The following TMEM239 variants were observed in gnomAD, a reference collection of about 807,000 sequenced individuals.
TMEM239 encodes transmembrane protein 239.
Under a neutral mutation model 14.6 loss-of-function variants are expected in TMEM239, and 10 were observed. The ratio of observed to expected loss-of-function variants is 0.68; its 90% CI spans 0.42 to 1.16. The LOEUF (loss-of-function observed/expected upper bound fraction) is 1.16, where lower values mean the gene tolerates loss of function less well. Among genes scored for constraint, TMEM239 ranks in the 50% most tolerant of loss-of-function variants. The probability of loss-of-function intolerance (pLI) is 0.00; values close to 1 mark genes in which losing one functional copy is unlikely to be tolerated. For synonymous variants in TMEM239, 94 were observed against 89.9 expected, an observed-to-expected ratio of 1.05 and a Z score of -0.26; for missense variants, 183 against 194.4, an observed-to-expected ratio of 0.94 and a Z score of 0.35.
Position 2,817,031 on chromosome 20 carries a change from A to G in TMEM239, c.*18A>G, listed in dbSNP as rs748659610. The G allele has an allele frequency of 3.9e-6, 6 of 1,537,470 alleles. No individual in the cohort carries two copies. Among genetic ancestry groups the G allele is most frequent in the East Asian group, 2.4e-5 (1 of 40,904 alleles). Reference sequence around the variant, plus strand: ...ATCAATAGAAGGGCAACCCCATCCCACTGCCTGTGTCTGTTGAGCCCTGGC... The same window carrying G: ...ATCAATAGAAGGGCAACCCCATCCCGCTGCCTGTGTCTGTTGAGCCCTGGC... On this transcript the variant is annotated 3_prime_UTR_variant, in exon 2 of 2. Transcript: ENST00000380585.
intron 1 of TMEM239, 38 bp downstream of exon 1, chr20:2,816,453 G>C: frequency 6.5e-6 from 10 of 1,532,942 alleles, no homozygotes; most frequent in Non-Finnish European, 8.7e-6. Context: ...CCCACCCCAC[G>C]CACACTGGTG....
downstream of TMEM239, chr20:2,820,084 T>C (rs2088709324): frequency 2.0e-5 from 3 of 152,092 alleles, no homozygotes; most frequent in Non-Finnish European, 4.4e-5. Flanking sequence ...AATCTTAGCA[T>C]TGAAAAAGAA....
intron 1 of TMEM239, 45 bp downstream of exon 1, chr20:2,816,460 G>A (rs2088670688): frequency 6.5e-7 from 1 of 1,532,684 alleles, no homozygotes; most frequent in Non-Finnish European, 8.7e-7. Flanking sequence ...CACGCACACT[G>A]GTGCCCTCCT....
chr20:2,816,650 C>T lies in TMEM239; in HGVS notation c.96C>T (p.Gly32=), dbSNP rs1165939240. ...GGTCAGCCTGGGTCACGAGGCATGG[C>T]TGGGTGCGCTGGTGGGTGAGCCACA... is the stretch of plus-strand genomic sequence containing the variant. The part of the protein sequence containing the change: ...VPWSAWVTRH[G]WVRWWVSHMP... Residue 32 remains glycine (G), a synonymous_variant, in exon 2 of 2, where the codon GGC becomes GGT. Transcript: ENST00000380585. 1 of 1,541,508 alleles carries T rather than the reference C, an allele frequency of 6.5e-7. No homozygotes were observed. Among genetic ancestry groups the T allele is most frequent in the Admixed American group, 2.0e-5 (1 of 50,944 alleles).
chr20:2,816,253 C>T (rs371739481), upstream of TMEM239: 5 of 1,306,784 alleles, frequency 3.8e-6, no homozygotes, highest in South Asian at 2.6e-5. Flanking sequence ...GTGGGCCTCA[C>T]ACCCTACAGT....
rs2088695802 is a variant in TMEM239, at chr20:2,817,841, T to C, written c.*828T>C. 1 of 152,248 alleles carries C rather than the reference T, an allele frequency of 6.6e-6. No homozygotes were observed. The highest frequency in any genetic ancestry group is 1.5e-5 in the Non-Finnish European group (1 of 68,054). 9.4% of individuals were successfully genotyped at this position (152,248 alleles called of 1,614,324 possible). A position where few individuals can be genotyped will look rare whatever the true frequency, so the allele number is the denominator to read the frequency against. On this transcript the variant is annotated 3_prime_UTR_variant, in exon 2 of 2. Transcript: ENST00000380585. ...GACAATATCTATTTGTGAAGCATTTTGTAGAAGCCAAAAACCTGTAAGATG... is the reference window on the plus strand; with the variant it reads ...GACAATATCTATTTGTGAAGCATTTCGTAGAAGCCAAAAACCTGTAAGATG...
chr20:2,816,869 G>A lies in TMEM239; in HGVS notation c.315G>A (p.Pro105=), dbSNP rs951716539. The A allele has an allele frequency of 6.5e-6, 10 of 1,545,242 alleles. No individual in the cohort carries two copies. Among genetic ancestry groups the A allele is most frequent in the Admixed American group, 5.9e-5 (3 of 50,976 alleles). ...VVAAVWRHLL[P]ALLLLVLSAL... ...CCGCGGTGTGGCGCCACCTGCTACC[G>A]GCTCTCCTGCTGCTGGTGCTCAGTG... The change falls in exon 2 of 2, where the codon CCG becomes CCA. Residue 105 remains proline, a synonymous_variant. Coordinates refer to ENST00000380585, the MANE Select transcript of TMEM239 (RefSeq NM_001167670.3).
downstream of TMEM239, chr20:2,819,581 T>C (rs2146584834): frequency 6.6e-6 from 1 of 151,138 alleles, no homozygotes; most frequent in South Asian, 2.1e-4. Context: ...TCTGCATTTT[T>C]TTTTTTTTTT....
chr20:2,818,874 G>C (rs527557719), downstream of TMEM239: 1 of 152,404 alleles, frequency 6.6e-6, no homozygotes, highest in South Asian at 2.1e-4. Context: ...TAGCTATGCT[G>C]TGACCATCCC....
chr20:2,816,590 CG>C lies in TMEM239; in HGVS notation c.40del (p.Ala14LeufsTer25), dbSNP rs1348718095. ...QQPRVETDTI[G>X]AGEGPQQAVP... ...AGCCGCGAGTGGAGACAGATACCAT[CG>C]GGGCTGGCGAGGGGCCACAGCAGGC... On this transcript the variant is annotated frameshift_variant, in exon 2 of 2. Coordinates refer to ENST00000380585, the MANE Select transcript of TMEM239 (RefSeq NM_001167670.3). LOFTEE classifies it high-confidence loss of function. 2 of 1,536,314 alleles carry C rather than the reference CG, an allele frequency of 1.3e-6. No homozygotes were observed. Among genetic ancestry groups the C allele is most frequent in the South Asian group, 1.2e-5 (1 of 84,010 alleles).
rs746701872 is a variant in TMEM239 at position 2,816,377 on chromosome 20, C to T, written c.-50C>T. The T allele has an allele frequency of 2.2e-5, 34 of 1,535,732 alleles. No homozygotes were observed. The highest frequency in any genetic ancestry group is 2.7e-5 in the African/African-American group (2 of 72,946). The stretch of plus-strand genomic sequence containing the variant: ...GATCTGCCTGCCAGGCCGTCCTGGG[C>T]GCTGCAGGAAGCAACATGACTTAGG... On this transcript the variant is annotated 5_prime_UTR_variant, in exon 1 of 2. Coordinates refer to ENST00000380585, the MANE Select transcript of TMEM239 (RefSeq NM_001167670.3).
At chr20:2,819,423 G>A (rs1205636106), downstream of TMEM239, 2 of 152,138 alleles carry the variant, frequency 1.3e-5, no homozygotes, top group African/African-American at 4.8e-5. Flanking sequence ...ATATACCCTA[G>A]GACCCAGAAC....
Position 2,816,534 on chromosome 20 carries a change from C to T in TMEM239, c.-11-10C>T, listed in dbSNP as rs569112706. 755 of 1,532,902 alleles carry T rather than the reference C, an allele frequency of 4.9e-4. 3 individuals are homozygous for T. The African/African-American group carries it at 8.8e-3, about 18-fold the overall frequency. The allele number at this position is 1,532,902 out of a possible 1,614,324, so 95.0% of individuals were successfully genotyped here. On this transcript the variant is annotated splice_polypyrimidine_tract_variant and intron_variant, in intron 1 of 1. Transcript: ENST00000380585. ...CCCAGGCATCTTCAAGACCCTGGCC[C>T]TCTCCCCAGGTGCACCAGACATGAT...
chr20:2,816,257 C>T (rs2088667318), upstream of TMEM239: 4 of 1,351,690 alleles, frequency 3.0e-6, no homozygotes, highest in Non-Finnish European at 4.1e-6. Flanking sequence ...GCCTCACACC[C>T]TACAGTGACT....
chr20:2,816,513 G>C, intron 1 of TMEM239, 31 bp from the exon 2 acceptor site: 1 of 1,393,728 alleles, frequency 7.2e-7, no homozygotes. Flanking sequence ...CAAGGTCCCA[G>C]GCATCTTCAA....
At chr20:2,819,680 A>G (rs58714811), downstream of TMEM239, 2,544 of 151,238 alleles carry the variant, frequency 0.017, 66 homozygotes, top group African/African-American at 0.056. Flanking sequence ...GGTCCAAGCA[A>G]TTCTCCTGCC....
rs2088685211 is a variant in TMEM239 at position 2,817,061 on chromosome 20, G to A, written c.*48G>A. 2.6e-6 allele frequency: 4 copies of A among 1,533,698 alleles called. No individual in the cohort carries two copies. The highest frequency in any genetic ancestry group is 3.5e-6 in the Non-Finnish European group (4 of 1,144,322). On this transcript the variant is annotated 3_prime_UTR_variant, in exon 2 of 2. Coordinates refer to ENST00000380585, the MANE Select transcript of TMEM239 (RefSeq NM_001167670.3). ...CTGTGTCTGTTGAGCCCTGGCCTAG[G>A]GCCTGAGACCCCACGGGGAGAGGGA...
In TMEM239 at chr20:2,817,182, A is replaced by G; in HGVS notation, c.*169A>G. The G allele has an allele frequency of 1.1e-5, 9 of 827,968 alleles. No homozygotes were observed. The South Asian group carries it at 1.3e-4, about 12-fold the overall frequency. The allele number at this position is 827,968 out of a possible 1,614,324, so 51.3% of individuals were successfully genotyped here. On this transcript the variant is annotated 3_prime_UTR_variant, in exon 2 of 2. Transcript: ENST00000380585. ...GACCCCGGACTCCTTCCTCAAGTCA[A>G]TGCTGCAGGTTCCTGGTGTGAGGGG...
At position 2,816,612 on chromosome 20, in the gene TMEM239, C is replaced by T. The variant is rs1014161234; in HGVS notation, c.58C>T (p.Gln20Ter). The part of the protein sequence containing the change: ...DTIGAGEGPQ[Q>*]AVPWSAWVTR... Reference sequence around the variant, plus strand: ...CATCGGGGCTGGCGAGGGGCCACAGCAGGCAGTGCCCTGGTCAGCCTGGGT... The same window carrying T: ...CATCGGGGCTGGCGAGGGGCCACAGTAGGCAGTGCCCTGGTCAGCCTGGGT... The change falls in exon 2 of 2, where the codon CAG becomes TAG. Residue 20 changes from glutamine to a stop codon, truncating the protein, a stop_gained. Coordinates refer to ENST00000380585, the MANE Select transcript of TMEM239 (RefSeq NM_001167670.3). LOFTEE classifies it high-confidence loss of function. 2.5e-5 allele frequency: 38 copies of T among 1,538,460 alleles called. No homozygotes were observed. Among genetic ancestry groups the T allele is most frequent in the Non-Finnish European group, 3.2e-5 (37 of 1,146,848 alleles).
Sources: allele counts gnomAD v4.1 joint callset, GRCh38; gene constraint gnomAD v4.1.1; transcripts MANE v1.5; gene names NCBI Gene and HGNC (gene_info 2026-07-23, HGNC 2026-07-21).